FCHSD2: variants seen among roughly 807,000 people sequenced by gnomAD.
FCHSD2 encodes FCH and double SH3 domains 2.
Under a neutral mutation model 108.1 loss-of-function variants are expected in FCHSD2, and 38 were observed. The ratio of observed to expected loss-of-function variants is 0.35; its 90% CI spans 0.27 to 0.46. The LOEUF is 0.46. Ranked by LOEUF, FCHSD2 falls within the 20% of genes least tolerant of loss-of-function variation. The probability of loss-of-function intolerance (pLI) is 1.00; values close to 1 mark genes in which losing one functional copy is unlikely to be tolerated. For missense variants in FCHSD2, 751 were observed against 897.8 expected (o/e 0.84, Z 2.09); for synonymous variants, 279 against 314.7 (o/e 0.89, Z 1.20).
At chr11:72,887,342 G>A (rs1174609867) in intron 12 of FCHSD2, 128 bp downstream of exon 12, 6 of 638,414 alleles carry the variant, frequency 9.4e-6, no homozygotes, top group African/African-American at 1.9e-5. Context: ...TACTACTGTG[G>A]ACACGAATGA....
At chr11:72,890,346 G>A (rs1855288214) in intron 10 of FCHSD2, among the ~76,000 whole-genome samples, 2 of 151,824 alleles carry the variant, frequency 1.3e-5, no homozygotes, top group Non-Finnish European at 2.9e-5. Flanking sequence ...TAGTTTAAAT[G>A]TGAGTAAAGA....
intron 3 of FCHSD2, among the ~76,000 whole-genome samples, chr11:73,065,141 T>C (rs1356637641): frequency 6.6e-6 from 1 of 152,050 alleles, no homozygotes; most frequent in Non-Finnish European, 1.5e-5. Context: ...CAGCAGCACA[T>C]CAAAAAGCTT....
rs748017056 is a variant in FCHSD2 at position 72,842,763 on chromosome 11, C to T, written c.1784G>A (p.Arg595His). Reference protein sequence around the residue: ...ELSFPEGAIIRILNKENQDDD... With the variant: ...ELSFPEGAIIHILNKENQDDD... ...ATCTTGGTTTTCTTTGTTCAAGATA[C>T]GGATTATTGCTCCCTCAGGAAAAGA... is the stretch of plus-strand genomic sequence containing the variant. Residue 595 changes from arginine to histidine, a missense_variant, in exon 17 of 20, where the codon CGT becomes CAT. Arg to His is a conservative substitution (Grantham distance 29). Coordinates refer to ENST00000409418, the MANE Select transcript of FCHSD2 (RefSeq NM_014824.3). 36 of 1,613,906 alleles carry T rather than the reference C, an allele frequency of 2.2e-5. 1 individual carries two copies. The highest frequency in any genetic ancestry group is 4.4e-5 in the South Asian group (4 of 91,076).
At chr11:73,093,746 C>G (rs1458877424) in intron 2 of FCHSD2, among the ~76,000 whole-genome samples, 1 of 152,044 alleles carries the variant, frequency 6.6e-6, no homozygotes, top group Non-Finnish European at 1.5e-5. Flanking sequence ...GGATTACAGG[C>G]ATGCACCACC....
intron 8 of FCHSD2, among the ~76,000 whole-genome samples, chr11:72,939,337 T>C (rs1020770021): frequency 6.6e-6 from 1 of 152,170 alleles, no homozygotes; most frequent in African/African-American, 2.4e-5. Context: ...GTCGGTAAGA[T>C]TGTGGCTGCA....
At chr11:73,018,975 T>C (rs559538179) in intron 3 of FCHSD2, among the ~76,000 whole-genome samples, 1 of 152,330 alleles carries the variant, frequency 6.6e-6, no homozygotes, top group East Asian at 1.9e-4. Context: ...TCATTATCTG[T>C]AGAGAAGAAT....
At chr11:73,017,912 A>AT (rs1858009976) in intron 3 of FCHSD2, among the ~76,000 whole-genome samples, 1 of 152,092 alleles carries the variant, frequency 6.6e-6, no homozygotes, top group South Asian at 2.1e-4. Flanking sequence ...TATTCTTTCT[A>AT]TATTTATTAG....
intron 3 of FCHSD2, among the ~76,000 whole-genome samples, chr11:73,053,626 A>G (rs1454109823): frequency 6.6e-6 from 1 of 152,218 alleles, no homozygotes; most frequent in Non-Finnish European, 1.5e-5. Flanking sequence ...TAGATAAACT[A>G]ATAGCAAAAA....
intron 12 of FCHSD2, among the ~76,000 whole-genome samples, chr11:72,883,633 G>A (rs1383016030): frequency 2.0e-5 from 3 of 152,144 alleles, no homozygotes; most frequent in African/African-American, 7.2e-5. Context: ...AAATGGCTAA[G>A]TTTAAAAAGA....
chr11:73,101,590 C>G (rs1043987436), intron 2 of FCHSD2, among the ~76,000 whole-genome samples: 1 of 151,974 alleles, frequency 6.6e-6, no homozygotes, highest in African/African-American at 2.4e-5. Flanking sequence ...GATGCACATA[C>G]CATGCCCAGC....
At chr11:72,903,325 T>C (rs911916210) in intron 9 of FCHSD2, among the ~76,000 whole-genome samples, 10 of 152,100 alleles carry the variant, frequency 6.6e-5, no homozygotes, top group African/African-American at 2.4e-4. Context: ...CATGCCATTC[T>C]CCTGCCTCAG....
rs1246133263 is a variant in FCHSD2 at position 72,836,889 on chromosome 11, G to C, written c.*1902C>G. On this transcript the variant is annotated 3_prime_UTR_variant, in exon 20 of 20. Transcript: ENST00000409418. ...GGTGCTGGATTCCATATCCTGGATGGAGGGGTTATTTTTTAAAAAGGAGGC... is the reference window on the plus strand; with the variant it reads ...GGTGCTGGATTCCATATCCTGGATGCAGGGGTTATTTTTTAAAAAGGAGGC... 7 of 152,490 alleles carry C rather than the reference G, an allele frequency of 4.6e-5. No individual in the cohort carries two copies. Among genetic ancestry groups the C allele is most frequent in the Admixed American group, 4.6e-4 (7 of 15,268 alleles). 9.4% of individuals were successfully genotyped at this position (152,490 alleles called of 1,614,324 possible).
chr11:72,969,347 C>T (rs1009177660), intron 8 of FCHSD2, among the ~76,000 whole-genome samples: 8 of 152,252 alleles, frequency 5.3e-5, no homozygotes, highest in Admixed American at 1.3e-4. Context: ...GAATAAAAAT[C>T]GGATTAGAAC....
chr11:73,108,038 G>A (rs1565093965), intron 2 of FCHSD2, among the ~76,000 whole-genome samples: 1 of 152,308 alleles, frequency 6.6e-6, no homozygotes, highest in East Asian at 1.9e-4. Context: ...CACCAACACT[G>A]TCTGAGGGTC....
intron 12 of FCHSD2, among the ~76,000 whole-genome samples, chr11:72,879,955 C>T (rs187519009): frequency 1.4e-4 from 20 of 144,278 alleles, no homozygotes; most frequent in Middle Eastern, 6.9e-3. Context: ...GCCGAGATCG[C>T]GCCATCGCAT....
In FCHSD2 at chr11:72,889,831, G is replaced by A. The variant is rs763111268; in HGVS notation, c.1039C>T (p.Arg347Trp). 24 of 1,587,156 alleles carry A rather than the reference G, an allele frequency of 1.5e-5. No homozygotes were observed. The highest frequency in any genetic ancestry group is 7.7e-5 in the South Asian group (7 of 90,416). The change falls in exon 11 of 20, where the codon CGG becomes TGG. Residue 347 changes from arginine (R) to tryptophan (W), a missense_variant and splice_region_variant. Physicochemically the swap from Arg to Trp is moderately radical, Grantham distance 101. Coordinates refer to ENST00000409418, the MANE Select transcript of FCHSD2 (RefSeq NM_014824.3). ...REHKNIVHQQ[R>W]VLNDLECHGA... ...CTAGGACTTTCTCTTACACTTACCC[G>A]TTGTTGGTGAACAATGTTTTTATGC...
At chr11:72,940,824 C>G (rs1049413421) in intron 8 of FCHSD2, 1 of 889,298 alleles carries the variant, frequency 1.1e-6, no homozygotes, top group Admixed American at 1.7e-5. Flanking sequence ...CTGGATGCCA[C>G]TGTGGGGCTC....
At chr11:73,030,188 T>G (rs1398536642) in intron 3 of FCHSD2, among the ~76,000 whole-genome samples, 1 of 152,134 alleles carries the variant, frequency 6.6e-6, no homozygotes, top group African/African-American at 2.4e-5. Context: ...ATTGCTTAGT[T>G]CCTATGTATA....
chr11:73,096,987 A>ATTTTT (rs60223064), intron 2 of FCHSD2, among the ~76,000 whole-genome samples: 274 of 27,040 alleles, frequency 0.01, 98 homozygotes, highest in East Asian at 0.032. Context: ...TCATTGATGG[A>ATTTTT]TTTTTTTTTT....
Sources: gnomAD v4.1 joint callset for allele counts (sites outside exome capture counted in the v4.1 genomes callset) on GRCh38, gnomAD v4.1.1 for gene constraint, MANE v1.5 for transcripts, NCBI Gene and HGNC (gene_info 2026-07-23, HGNC 2026-07-21) for gene names.